The following CORO2B variants were observed in gnomAD, a reference collection of about 807,000 sequenced individuals.
CORO2B encodes coronin 2B.
In CORO2B, 26 loss-of-function variants were observed where a neutral mutation model predicts 58.8. That is an observed-to-expected ratio of 0.44 (90% CI 0.32 to 0.61). The LOEUF is 0.61. CORO2B is among the 20% of genes least tolerant of loss of function. The pLI, the probability that CORO2B is intolerant of heterozygous loss-of-function variation, is 0.04. For missense variants in CORO2B, 460 were observed against 645.1 expected, an observed-to-expected ratio of 0.71 and a Z score of 3.11; for synonymous variants, 242 against 253.8, an observed-to-expected ratio of 0.95 and a Z score of 0.44.
intron 2 of CORO2B, among the ~76,000 whole-genome samples, chr15:68,669,781 G>C (rs759987320): frequency 6.8e-6 from 1 of 147,962 alleles, no homozygotes; most frequent in African/African-American, 2.5e-5. Flanking sequence ...ATAAGGCTGG[G>C]TGTGGTGGCT....
rs550547716 is a variant in CORO2B at position 68,608,179 on chromosome 15, T to TG, written c.15+28908dup. On this transcript the variant is annotated intron_variant, in intron 1 of 11. Coordinates refer to ENST00000261861, the MANE Select transcript of CORO2B (RefSeq NM_006091.5). ...GCACTTAGGCAACCCAAACCAGACATGGGGGGCCTGAGCACGGCCACTGCA... is the reference window on the plus strand; with the variant it reads ...GCACTTAGGCAACCCAAACCAGACATGGGGGGGCCTGAGCACGGCCACTGCA... Among the ~76,000 whole-genome samples the TG allele has an allele frequency of 1.2e-4, 18 of 152,192 alleles. 1 individual carries two copies. Among genetic ancestry groups the TG allele is most frequent in the Non-Finnish European group, 1.6e-4 (11 of 68,026 alleles).
intron 1 of CORO2B, chr15:68,631,914 C>T (rs922785813): frequency 2.2e-5 from 22 of 983,766 alleles, no homozygotes; most frequent in Non-Finnish European, 2.5e-5. Context: ...TGGAATGGCC[C>T]CAGATGGCCA....
intron 2 of CORO2B, among the ~76,000 whole-genome samples, chr15:68,655,101 C>T (rs1053184061): frequency 6.6e-6 from 1 of 152,268 alleles, no homozygotes; most frequent in Non-Finnish European, 1.5e-5. Flanking sequence ...CTCAAGCCAG[C>T]CTGCCTGTTT....
intron 1 of CORO2B, among the ~76,000 whole-genome samples, chr15:68,605,711 GTTTTTTTTT>G (rs35340917): frequency 2.0e-3 from 196 of 99,136 alleles, no homozygotes; most frequent in African/African-American, 8.8e-3. Context: ...GGGCTCTTGG[GTTTTTTTTT>G]TTTTTTTTTT....
At chr15:68,534,576 A>T in the CORO2B span, among the ~76,000 whole-genome samples, 1 of 152,162 alleles carries the variant, frequency 6.6e-6, no homozygotes, top group African/African-American at 2.4e-5. Context: ...CCTTTTCCCT[A>T]TTTACTGCCA....
chr15:68,672,645 G>A (rs1461380177), intron 2 of CORO2B, among the ~76,000 whole-genome samples: 1 of 152,226 alleles, frequency 6.6e-6, no homozygotes, highest in African/African-American at 2.4e-5. Context: ...AAAAGAGACT[G>A]CAAGTGATAC....
Position 68,692,858 on chromosome 15 carries a change from T to C in CORO2B, c.217-2282T>C, listed in dbSNP as rs79186715. The stretch of plus-strand genomic sequence containing the variant: ...CATGTTGTCTAGACTGGTCTCAGAC[T>C]CCTGACCTCAGGTGATCCACCCGTC... On this transcript the variant is annotated intron_variant, in intron 2 of 11. Transcript: ENST00000261861. Among the ~76,000 whole-genome samples the C allele has an allele frequency of 3.1e-3, 465 of 151,916 alleles. 14 individuals are homozygous for C. The East Asian group carries it at 0.081, about 26-fold the overall frequency.
At chr15:68,627,261 A>G (rs1258059184) in intron 1 of CORO2B, among the ~76,000 whole-genome samples, 2 of 152,218 alleles carry the variant, frequency 1.3e-5, no homozygotes, top group Non-Finnish European at 2.9e-5. Flanking sequence ...TGAGGGATTC[A>G]GAAATGACTA....
chr15:68,648,460 C>T (rs1222418546), intron 2 of CORO2B, among the ~76,000 whole-genome samples: 2 of 151,824 alleles, frequency 1.3e-5, no homozygotes, highest in Admixed American at 1.3e-4. Flanking sequence ...TCCTGGCTAA[C>T]ATGGTGAAAC....
At chr15:68,702,729 A>C (rs1052866477) in intron 3 of CORO2B, among the ~76,000 whole-genome samples, 4 of 151,132 alleles carry the variant, frequency 2.6e-5, no homozygotes, top group Non-Finnish European at 5.9e-5. Context: ...GATTGGTTAG[A>C]TGGAAATCTT....
intron 2 of CORO2B, among the ~76,000 whole-genome samples, chr15:68,649,966 T>C (rs1901579472): frequency 6.6e-6 from 1 of 152,346 alleles, no homozygotes; most frequent in South Asian, 2.1e-4. Context: ...TTAAATGGTC[T>C]CGGGGATCTC....
chr15:68,573,792 A>G, the CORO2B span, among the ~76,000 whole-genome samples: 2 of 152,232 alleles, frequency 1.3e-5, no homozygotes, highest in Admixed American at 6.5e-5. Flanking sequence ...AGCTTGTCAA[A>G]TACACAAACA....
intron 1 of CORO2B, among the ~76,000 whole-genome samples, chr15:68,624,775 C>T (rs1566988415): frequency 6.6e-6 from 1 of 152,078 alleles, no homozygotes; most frequent in Non-Finnish European, 1.5e-5. Flanking sequence ...TCACTGCAAC[C>T]TCCATCTCCT....
intron 8 of CORO2B, among the ~76,000 whole-genome samples, chr15:68,716,039 G>A (rs1385934711): frequency 1.3e-5 from 2 of 152,176 alleles, no homozygotes; most frequent in South Asian, 2.1e-4. Flanking sequence ...CTGGTATTAT[G>A]GACAGGGCCT....
At chr15:68,561,322 C>T in the CORO2B span, among the ~76,000 whole-genome samples, 1 of 152,124 alleles carries the variant, frequency 6.6e-6, no homozygotes, top group Non-Finnish European at 1.5e-5. Context: ...CATTTTGGAG[C>T]GTTTGGGCAG....
the CORO2B span, among the ~76,000 whole-genome samples, chr15:68,556,055 G>A: frequency 2.0e-5 from 3 of 152,260 alleles, no homozygotes; most frequent in Non-Finnish European, 2.9e-5. Flanking sequence ...CCTTCGTGCA[G>A]TGCCTGGCTC....
At chr15:68,707,153 A>AT (rs1892805440) in intron 3 of CORO2B, among the ~76,000 whole-genome samples, 1 of 152,138 alleles carries the variant, frequency 6.6e-6, no homozygotes, top group Non-Finnish European at 1.5e-5. Flanking sequence ...AAGTGCTAGG[A>AT]TTACAGACGT....
chr15:68,554,838 G>C, the CORO2B span, among the ~76,000 whole-genome samples: 28 of 152,156 alleles, frequency 1.8e-4, no homozygotes, highest in African/African-American at 6.0e-4. Context: ...GCAGGAAGAG[G>C]CCCCCAGGGT....
chr15:68,552,796 TTCC>T, the CORO2B span, among the ~76,000 whole-genome samples: 1 of 152,166 alleles, frequency 6.6e-6, no homozygotes, highest in Non-Finnish European at 1.5e-5. Flanking sequence ...CACCAGACCT[TTCC>T]TCAAGAAGTT....
Sources: gnomAD v4.1 joint callset for allele counts (sites outside exome capture counted in the v4.1 genomes callset) on GRCh38, gnomAD v4.1.1 for gene constraint, MANE v1.5 for transcripts, NCBI Gene and HGNC (gene_info 2026-07-23, HGNC 2026-07-21) for gene names.